SNTG1: variants seen among roughly 807,000 people sequenced by gnomAD.
The protein encoded by SNTG1 is syntrophin gamma 1.
SNTG1 carries 39 observed loss-of-function variants against 74.7 expected under a neutral mutation model. The ratio of observed to expected loss-of-function variants is 0.52; its 90% CI spans 0.40 to 0.68. The LOEUF (loss-of-function observed/expected upper bound fraction) is 0.68, where lower values mean the gene tolerates loss of function less well. Among genes scored for constraint, SNTG1 ranks in the 30% least tolerant of loss-of-function variants. The pLI is 0.00. For missense variants in SNTG1, 685 were observed against 609.5 expected, an observed-to-expected ratio of 1.12 and a Z score of -1.30; for synonymous variants, 254 against 217.1, an observed-to-expected ratio of 1.17 and a Z score of -1.49.
At chr8:49,978,266 A>C (rs144551145) in intron 1 of SNTG1, among the ~76,000 whole-genome samples, 2 of 152,262 alleles carry the variant, frequency 1.3e-5, no homozygotes, top group African/African-American at 4.8e-5. Flanking sequence ...AGAGAGAGAC[A>C]GAAGGAGACA....
chr8:50,400,624 G>A (rs1332007933), intron 3 of SNTG1, among the ~76,000 whole-genome samples: 1 of 152,156 alleles, frequency 6.6e-6, no homozygotes, highest in African/African-American at 2.4e-5. Flanking sequence ...CTAACAGTGT[G>A]TAAGGGTTCA....
intron 2 of SNTG1, among the ~76,000 whole-genome samples, chr8:50,280,216 G>C (rs1296015256): frequency 6.6e-6 from 1 of 151,994 alleles, no homozygotes; most frequent in Non-Finnish European, 1.5e-5. Context: ...ATGAGTTGGT[G>C]GATTATCTCA....
intron 2 of SNTG1, among the ~76,000 whole-genome samples, chr8:50,265,847 CA>C (rs903711478): frequency 4.0e-5 from 6 of 150,892 alleles, no homozygotes; most frequent in Non-Finnish European, 5.9e-5. Context: ...ACAATGATAT[CA>C]AAAAAATGAA....
chr8:49,945,717 CA>C (rs1809119128), intron 1 of SNTG1, among the ~76,000 whole-genome samples: 1 of 152,114 alleles, frequency 6.6e-6, no homozygotes, highest in Non-Finnish European at 1.5e-5. Flanking sequence ...GCATGACAGG[CA>C]AGCCTCAGCA....
intron 1 of SNTG1, among the ~76,000 whole-genome samples, chr8:50,135,066 C>T (rs757101938): frequency 4.6e-5 from 7 of 152,162 alleles, no homozygotes; most frequent in Non-Finnish European, 8.8e-5. Flanking sequence ...ATGAACATCT[C>T]TGTGAGACTC....
chr8:50,693,067 A>G (rs1174822268), intron 15 of SNTG1, among the ~76,000 whole-genome samples: 1 of 152,140 alleles, frequency 6.6e-6, no homozygotes, highest in African/African-American at 2.4e-5. Context: ...GCAGGATATA[A>G]TCTCCTGATG....
intron 1 of SNTG1, among the ~76,000 whole-genome samples, chr8:49,986,937 AG>A (rs898202163): frequency 9.2e-5 from 14 of 152,194 alleles, no homozygotes; most frequent in African/African-American, 3.4e-4. Flanking sequence ...GGAGAAGAAA[AG>A]TCTTCTGTAA....
At chr8:50,682,506 G>T (rs1365184698) in intron 15 of SNTG1, among the ~76,000 whole-genome samples, 5 of 152,132 alleles carry the variant, frequency 3.3e-5, no homozygotes, top group Non-Finnish European at 7.4e-5. Flanking sequence ...AAGAGGACAA[G>T]GAAGTTAAAC....
chr8:50,532,812 A>G (rs1441915281), intron 10 of SNTG1, among the ~76,000 whole-genome samples: 1 of 152,216 alleles, frequency 6.6e-6, no homozygotes, highest in Admixed American at 6.5e-5. Flanking sequence ...TGTGTATATT[A>G]TAGACAGTCT....
At chr8:50,311,126 T>C (rs1346675332) in intron 2 of SNTG1, among the ~76,000 whole-genome samples, 1 of 152,226 alleles carries the variant, frequency 6.6e-6, no homozygotes, top group African/African-American at 2.4e-5. Context: ...TGTTTTTAAG[T>C]TCTGTTTTTG....
intron 9 of SNTG1, among the ~76,000 whole-genome samples, chr8:50,520,924 A>G (rs2094174240): frequency 6.6e-6 from 1 of 152,206 alleles, no homozygotes. Flanking sequence ...ATTACTGGGT[A>G]TATACCCAAA....
chr8:50,763,622 A>G (rs1006902673), intron 18 of SNTG1, among the ~76,000 whole-genome samples: 2 of 141,424 alleles, frequency 1.4e-5, no homozygotes, highest in Non-Finnish European at 3.1e-5. Flanking sequence ...CTCCAGCTAC[A>G]CTCTTTTGGC....
At position 50,070,607 on chromosome 8, in the gene SNTG1, T is replaced by C. The variant is rs1040518959; in HGVS notation, c.-102-101954T>C. Among the ~76,000 whole-genome samples, 7 of 152,282 alleles carry C rather than the reference T, an allele frequency of 4.6e-5. No homozygotes were observed. In the East Asian group the frequency reaches 7.7e-4, roughly 17 times the overall value. Reference sequence around the variant, plus strand: ...GGGCTTCTGTGTTAGAGATTTGAAATTGAAATGAAAAATCAAAGCAAAAAC... The same window carrying C: ...GGGCTTCTGTGTTAGAGATTTGAAACTGAAATGAAAAATCAAAGCAAAAAC... On this transcript the variant is annotated intron_variant, in intron 1 of 18. Coordinates refer to ENST00000642720, the MANE Select transcript of SNTG1 (RefSeq NM_018967.5).
Position 50,227,896 on chromosome 8 carries a change from C to CA in SNTG1, c.-28+55269dup, listed in dbSNP as rs537173983. ...TACTCAATGCAATACGTCCAGCCTC[C>CA]AAAAAAAATGACATAAACAACAACC... On this transcript the variant is annotated intron_variant, in intron 2 of 18. Coordinates refer to ENST00000642720, the MANE Select transcript of SNTG1 (RefSeq NM_018967.5). Among the ~76,000 whole-genome samples the CA allele has an allele frequency of 6.3e-5, 6 of 94,898 alleles. No individual in the cohort carries two copies. In the South Asian group the frequency reaches 1.4e-3, roughly 22 times the overall value. 62.3% of individuals were successfully genotyped at this position (94,898 alleles called of 152,430 possible).
chr8:50,344,635 C>T (rs554681002), intron 2 of SNTG1, among the ~76,000 whole-genome samples: 6 of 152,320 alleles, frequency 3.9e-5, no homozygotes, highest in Admixed American at 2.0e-4. Context: ...TTGCAACACT[C>T]ACTCATCTGC....
At chr8:50,302,367 C>T (rs1327267620) in intron 2 of SNTG1, among the ~76,000 whole-genome samples, 4 of 152,016 alleles carry the variant, frequency 2.6e-5, no homozygotes, top group African/African-American at 9.7e-5. Context: ...TGTGTTTCCC[C>T]GATTATTTGC....
At position 50,748,267 on chromosome 8, in the gene SNTG1, C is replaced by A. The variant is rs572527821; in HGVS notation, c.1285-3734C>A. On this transcript the variant is annotated intron_variant, in intron 17 of 18. Transcript: ENST00000642720. ...TTACCCTTAAATGTATTTATTGGAA[C>A]CTTTACCAATCTCATTTTCTCAGTG... Among the ~76,000 whole-genome samples the A allele has an allele frequency of 3.3e-5, 5 of 152,006 alleles. No homozygotes were observed. In the East Asian group the frequency reaches 7.8e-4, roughly 24 times the overall value.
intron 13 of SNTG1, among the ~76,000 whole-genome samples, chr8:50,653,677 A>G (rs1410535658): frequency 6.6e-6 from 1 of 152,160 alleles, no homozygotes; most frequent in Non-Finnish European, 1.5e-5. Context: ...TTATACTTCT[A>G]ATAAGTGATT....
chr8:50,031,883 G>A (rs967917624), intron 1 of SNTG1, among the ~76,000 whole-genome samples: 1 of 152,032 alleles, frequency 6.6e-6, no homozygotes, highest in Non-Finnish European at 1.5e-5. Flanking sequence ...AGAATGTGTA[G>A]AATTTACGTC....
Sources: gnomAD v4.1 joint callset for allele counts (sites outside exome capture counted in the v4.1 genomes callset) on GRCh38, gnomAD v4.1.1 for gene constraint, MANE v1.5 for transcripts, NCBI Gene and HGNC (gene_info 2026-07-23, HGNC 2026-07-21) for gene names.